The following GSTA2 variants were observed in gnomAD, a reference collection of about 807,000 sequenced individuals.
The protein encoded by GSTA2 is glutathione S-transferase A2.
Under a neutral mutation model 22.4 loss-of-function variants are expected in GSTA2, and 27 were observed. That is an observed-to-expected ratio of 1.21 (90% CI 0.89 to 1.67). The LOEUF (loss-of-function observed/expected upper bound fraction) is 1.67. GSTA2 is among the 40% of genes most tolerant of loss of function. GSTA2 has a pLI of 0.00. For synonymous variants in GSTA2, 121 were observed against 86.8 expected, an observed-to-expected ratio of 1.39 and a Z score of -2.19; for missense variants, 302 against 260.2, an observed-to-expected ratio of 1.16 and a Z score of -1.11.
chr6:52,762,199 T>C (rs1420643012), intron 1 of GSTA2, among the ~76,000 whole-genome samples: 1 of 152,188 alleles, frequency 6.6e-6, no homozygotes. Flanking sequence ...GTCTGAAATA[T>C]GGCCTCGTGG....
At position 52,752,893 on chromosome 6, in the gene GSTA2, T is replaced by C. The variant is rs1762769477; in HGVS notation, c.375A>G (p.Gln125=). ...EEQDAKLALI[Q]EKTKNRYFPA... is the part of the protein sequence containing the mutation. ...GGAAGTAGCGATTTTTTGTTTTCTC[T>C]TGGATCAAGGCAAGCTTGGCATCTT... The change falls in exon 5 of 7, where the codon CAA becomes CAG. Residue 125 remains glutamine, a synonymous_variant. Coordinates refer to ENST00000493422, the MANE Select transcript of GSTA2 (RefSeq NM_000846.5). The C allele has an allele frequency of 4.3e-6, 7 of 1,614,100 alleles. No individual in the cohort carries two copies. The highest frequency in any genetic ancestry group is 1.1e-5 in the South Asian group (1 of 91,080).
At chr6:52,753,155 T>TAGTCATTATGCTCTGAGTTTTACAGGTAC (rs1561894163) in intron 4 of GSTA2, among the ~76,000 whole-genome samples, 160 bp from the exon 5 acceptor site, 1 of 149,020 alleles carries the variant, frequency 6.7e-6, no homozygotes, top group East Asian at 1.9e-4. Context: ...TTTACAGGTA[T>TAGTCATTATGCTCTGAGTTTTACAGGTAC]ATAGTCATTA....
intron 1 of GSTA2, among the ~76,000 whole-genome samples, chr6:52,761,291 C>T (rs1762945698): frequency 6.6e-6 from 1 of 152,138 alleles, no homozygotes; most frequent in African/African-American, 2.4e-5. Context: ...TATCTATCCA[C>T]CAATTATTTT....
chr6:52,754,201 T>C (rs1001692608), intron 4 of GSTA2, among the ~76,000 whole-genome samples: 2 of 152,230 alleles, frequency 1.3e-5, no homozygotes, highest in Admixed American at 1.3e-4. Context: ...ATGTAAAATA[T>C]ATAGTGTGGA....
chr6:52,751,236 A>G (rs1394213385), intron 6 of GSTA2, among the ~76,000 whole-genome samples: 1 of 152,122 alleles, frequency 6.6e-6, no homozygotes, highest in African/African-American at 2.4e-5. Context: ...GCTCAGACTG[A>G]CTCAATGTGG....
chr6:52,750,715 C>G lies in GSTA2; in HGVS notation c.547-16G>C. On this transcript the variant is annotated splice_polypyrimidine_tract_variant and intron_variant, in intron 6 of 6. Transcript: ENST00000493422. ...TTTTCAGGGCCTGTAATCCACAAAG[C>G]ACAGCCTCACTAAAACAACAAGTCA... 6.2e-7 allele frequency: 1 copy of G among 1,611,432 alleles called. No homozygotes were observed. Among genetic ancestry groups the G allele is most frequent in the Non-Finnish European group, 8.5e-7 (1 of 1,179,470 alleles).
chr6:52,760,238 T>C (rs1308320284), intron 1 of GSTA2, among the ~76,000 whole-genome samples: 2 of 152,208 alleles, frequency 1.3e-5, no homozygotes, highest in Non-Finnish European at 2.9e-5. Flanking sequence ...CTCTTAGCCA[T>C]TGATCGAGGA....
rs757502057 is a variant in GSTA2 at position 52,752,991 on chromosome 6, C to G, written c.277G>C (p.Asp93His). The change falls in exon 5 of 7, where the codon GAT becomes CAT. Residue 93 changes from aspartate (D) to histidine (H), a missense_variant. By Grantham distance (81) the Asp-to-His change is moderately conservative. Transcript: ENST00000493422. The stretch of plus-strand genomic sequence containing the variant: ...TCTGCTATACCTTCTATATACATAT[C>G]AATCCTGAAAGACAAAAACAACCAA... ...GKDIKEKALI[D>H]MYIEGIADLG... 1.9e-6 allele frequency: 3 copies of G among 1,594,898 alleles called. No individual in the cohort carries two copies. The highest frequency in any genetic ancestry group is 2.6e-6 in the Non-Finnish European group (3 of 1,171,898).
At chr6:52,753,503 T>G (rs142808961) in intron 4 of GSTA2, among the ~76,000 whole-genome samples, 1,587 of 152,296 alleles carry the variant, frequency 0.01, 22 homozygotes, top group African/African-American at 0.036. Context: ...GCTGCTTCTA[T>G]GCCCCATATT....
Sources: gnomAD v4.1 joint callset for allele counts (sites outside exome capture counted in the v4.1 genomes callset) on GRCh38, gnomAD v4.1.1 for gene constraint, MANE v1.5 for transcripts, NCBI Gene and HGNC (gene_info 2026-07-23, HGNC 2026-07-21) for gene names.